The following MCTP1 variants were observed in gnomAD, a reference collection of about 807,000 sequenced individuals.
MCTP1 encodes the protein multiple C2 and transmembrane domain containing 1.
Under a neutral mutation model 120.6 loss-of-function variants are expected in MCTP1, and 69 were observed. That is an observed-to-expected ratio of 0.57 (90% CI 0.47 to 0.70). MCTP1 has a LOEUF of 0.70. MCTP1 is among the 30% of genes least tolerant of loss of function. The pLI, the probability that MCTP1 is intolerant of heterozygous loss-of-function variation, is 0.00. For synonymous variants in MCTP1, 529 were observed against 493.1 expected, an observed-to-expected ratio of 1.07 and a Z score of -0.96; for missense variants, 1,203 against 1,248.8, an observed-to-expected ratio of 0.96 and a Z score of 0.55.
At chr5:94,982,637 C>T (rs1331829230) in intron 2 of MCTP1, among the ~76,000 whole-genome samples, 1 of 151,874 alleles carries the variant, frequency 6.6e-6, no homozygotes, top group Middle Eastern at 3.4e-3. Flanking sequence ...ACCTGTAATC[C>T]CAGCACTTTG....
At position 95,038,451 on chromosome 5, in the gene MCTP1, A is replaced by C. The variant is rs182405103; in HGVS notation, c.721-20967T>G. On this transcript the variant is annotated intron_variant, in intron 1 of 22. Transcript: ENST00000515393. Reference sequence around the variant, plus strand: ...GGGATAACAGACAAATCTATAGTGCAGAAGAATTCAGAATAATTGGTGTAG... The same window carrying C: ...GGGATAACAGACAAATCTATAGTGCCGAAGAATTCAGAATAATTGGTGTAG... 2.4e-3 allele frequency among the ~76,000 whole-genome samples: 360 copies of C among 152,356 alleles called. 1 individual carries two copies. The highest frequency in any genetic ancestry group is 3.4e-3 in the Middle Eastern group (1 of 294).
chr5:95,074,817 A>C (rs1427757058), intron 1 of MCTP1, among the ~76,000 whole-genome samples: 1 of 152,240 alleles, frequency 6.6e-6, no homozygotes, highest in East Asian at 1.9e-4. Context: ...AAATTGATTT[A>C]TGCTGTGCAC....
At chr5:94,723,383 CAA>C (rs1349767128) in intron 19 of MCTP1, among the ~76,000 whole-genome samples, 2 of 152,120 alleles carry the variant, frequency 1.3e-5, no homozygotes, top group East Asian at 3.8e-4. Flanking sequence ...ATGTTAAAAA[CAA>C]AATTTTGAGA....
At chr5:94,937,652 T>C (rs753497404) in intron 5 of MCTP1, among the ~76,000 whole-genome samples, 3 of 152,028 alleles carry the variant, frequency 2.0e-5, no homozygotes, top group Non-Finnish European at 2.9e-5. Context: ...AAAAATAATG[T>C]TGGAAACTAT....
chr5:94,931,843 G>T, intron 6 of MCTP1, 110 bp downstream of exon 6: 1 of 819,558 alleles, frequency 1.2e-6, no homozygotes, highest in South Asian at 1.6e-5. Context: ...AGTAACAATT[G>T]AATAGTATGA....
In MCTP1 at chr5:94,840,887, T is replaced by C. The variant is rs141451736; in HGVS notation, c.2436+27446A>G. ...TGGATACTAAGCAAGCTGTTTTTGC[T>C]GAGCAGCTAGGTTTATTTGAGGTGG... is the stretch of plus-strand genomic sequence containing the variant. On this transcript the variant is annotated intron_variant, in intron 17 of 22. Coordinates refer to ENST00000515393, the MANE Select transcript of MCTP1 (RefSeq NM_024717.7). 6.5e-3 allele frequency among the ~76,000 whole-genome samples: 996 copies of C among 152,304 alleles called. 13 individuals carry two copies. The highest frequency in any genetic ancestry group is 0.022 in the African/African-American group (914 of 41,584).
chr5:95,064,078 T>C (rs1214403064), intron 1 of MCTP1, among the ~76,000 whole-genome samples: 1 of 152,250 alleles, frequency 6.6e-6, no homozygotes, highest in East Asian at 1.9e-4. Flanking sequence ...ATCCAAACTA[T>C]AATTCGTGTC....
At chr5:95,274,199 T>C (rs542884904) in intron 1 of MCTP1, among the ~76,000 whole-genome samples, 1 of 152,308 alleles carries the variant, frequency 6.6e-6, no homozygotes, top group Admixed American at 6.5e-5. Flanking sequence ...TCCCATTTTT[T>C]GCATACACAG....
chr5:95,156,671 T>C (rs934544469), intron 1 of MCTP1, among the ~76,000 whole-genome samples: 1 of 152,192 alleles, frequency 6.6e-6, no homozygotes, highest in Non-Finnish European at 1.5e-5. Flanking sequence ...AAGAACACTT[T>C]TCTAATTAGG....
chr5:94,758,331 T>C (rs1642144439), intron 19 of MCTP1, among the ~76,000 whole-genome samples: 1 of 152,210 alleles, frequency 6.6e-6, no homozygotes, highest in Admixed American at 6.5e-5. Context: ...TGGTGGCACA[T>C]GCCTATAGTC....
intron 17 of MCTP1, among the ~76,000 whole-genome samples, chr5:94,853,067 A>C (rs1321878129): frequency 6.6e-6 from 1 of 151,976 alleles, no homozygotes; most frequent in Non-Finnish European, 1.5e-5. Context: ...CAAACCAATA[A>C]AGGCTATTGT....
chr5:94,870,812 C>G, intron 15 of MCTP1, 60 bp downstream of exon 15: 2 of 1,160,014 alleles, frequency 1.7e-6, no homozygotes. Context: ...AAATCAGGAA[C>G]AAAAGCTTTC....
chr5:95,085,488 T>C (rs999285105), intron 1 of MCTP1, among the ~76,000 whole-genome samples: 2 of 151,594 alleles, frequency 1.3e-5, no homozygotes, highest in East Asian at 3.9e-4. Flanking sequence ...CTGTACAGCA[T>C]TGCAATTTAT....
chr5:95,058,134 C>A (rs1747917160), intron 1 of MCTP1, among the ~76,000 whole-genome samples: 1 of 152,140 alleles, frequency 6.6e-6, no homozygotes, highest in Non-Finnish European at 1.5e-5. Context: ...GATAAAATAG[C>A]TGATGCTTCG....
chr5:95,075,230 C>T (rs139690300), intron 1 of MCTP1, among the ~76,000 whole-genome samples: 1 of 152,340 alleles, frequency 6.6e-6, no homozygotes, highest in Non-Finnish European at 1.5e-5. Flanking sequence ...CTCTAATCCT[C>T]ACAAACTTTC....
intron 1 of MCTP1, among the ~76,000 whole-genome samples, chr5:95,167,208 T>C (rs186966752): frequency 2.0e-4 from 30 of 152,310 alleles, no homozygotes; most frequent in Middle Eastern, 3.4e-3. Context: ...GGTTTCCAGC[T>C]TCATCCATGT....
chr5:95,133,588 A>C (rs923126621), intron 1 of MCTP1, among the ~76,000 whole-genome samples: 4 of 152,326 alleles, frequency 2.6e-5, no homozygotes, highest in East Asian at 3.9e-4. Context: ...CTGGGAGGTG[A>C]AGGTTGCAGT....
chr5:94,741,336 A>G (rs950866879), intron 19 of MCTP1, among the ~76,000 whole-genome samples: 1 of 152,146 alleles, frequency 6.6e-6, no homozygotes, highest in African/African-American at 2.4e-5. Flanking sequence ...AAAATGGAAC[A>G]CTCGTTTATT....
At chr5:94,832,838 C>T (rs111755592) in intron 17 of MCTP1, among the ~76,000 whole-genome samples, 5 of 152,306 alleles carry the variant, frequency 3.3e-5, no homozygotes, top group African/African-American at 7.2e-5. Context: ...AGGCTCACTG[C>T]GAAGAGTGCG....
Sources: allele counts gnomAD v4.1 joint callset (sites outside exome capture counted in the v4.1 genomes callset), GRCh38; gene constraint gnomAD v4.1.1; transcripts MANE v1.5; gene names NCBI Gene and HGNC (gene_info 2026-07-23, HGNC 2026-07-21).